MAGI2: variants seen among roughly 807,000 people sequenced by gnomAD.
The protein encoded by MAGI2 is membrane associated guanylate kinase, WW and PDZ domain containing 2.
Under a neutral mutation model 133.3 loss-of-function variants are expected in MAGI2, and 35 were observed. The observed-to-expected ratio is 0.26, with a 90% CI of 0.20 to 0.35. The LOEUF (loss-of-function observed/expected upper bound fraction) is 0.35, where lower values mean the gene tolerates loss of function less well. MAGI2 is among the 10% of genes least tolerant of loss of function. The pLI is 1.00. For missense variants in MAGI2, 1,636 were observed against 1,863.4 expected, an observed-to-expected ratio of 0.88 and a Z score of 2.25; for synonymous variants, 729 against 710.6, an observed-to-expected ratio of 1.03 and a Z score of -0.41.
intron 2 of MAGI2, among the ~76,000 whole-genome samples, chr7:78,928,122 T>C (rs1475746687): frequency 2.6e-5 from 4 of 151,976 alleles, no homozygotes; most frequent in Non-Finnish European, 4.4e-5. Context: ...ATTAATAATA[T>C]ATAGCATAGG....
intron 3 of MAGI2, among the ~76,000 whole-genome samples, chr7:78,592,997 C>T (rs1453328543): frequency 1.3e-5 from 2 of 151,778 alleles, no homozygotes; most frequent in Non-Finnish European, 2.9e-5. Context: ...CCACACCAAG[C>T]ATTTTTGTAT....
chr7:79,104,604 T>A (rs938235685), intron 1 of MAGI2, among the ~76,000 whole-genome samples: 3 of 151,792 alleles, frequency 2.0e-5, no homozygotes, highest in African/African-American at 7.3e-5. Flanking sequence ...GAGGTGGAGG[T>A]TGCAGTGAGC....
At chr7:79,399,582 A>T (rs1845325942) in intron 1 of MAGI2, among the ~76,000 whole-genome samples, 1 of 152,152 alleles carries the variant, frequency 6.6e-6, no homozygotes, top group Non-Finnish European at 1.5e-5. Flanking sequence ...CTGTAGATAC[A>T]AGTGCAGTGC....
chr7:78,141,062 G>A (rs973885670), intron 16 of MAGI2, among the ~76,000 whole-genome samples: 14 of 152,124 alleles, frequency 9.2e-5, no homozygotes, highest in East Asian at 1.9e-4. Flanking sequence ...TTGGTAAGTG[G>A]CAGCTCTCTT....
intron 11 of MAGI2, 85 bp downstream of exon 11, chr7:78,201,077 T>C: frequency 2.3e-6 from 2 of 858,508 alleles, no homozygotes; most frequent in South Asian, 3.4e-5. Flanking sequence ...GAAAGAGATT[T>C]TGAGGTCACC....
chr7:78,729,421 G>T (rs1288516899), intron 2 of MAGI2, among the ~76,000 whole-genome samples: 1 of 152,196 alleles, frequency 6.6e-6, no homozygotes, highest in Non-Finnish European at 1.5e-5. Flanking sequence ...AGTTGGCATA[G>T]TACTGAAAGA....
intron 1 of MAGI2, among the ~76,000 whole-genome samples, chr7:79,115,859 T>G (rs1231211754): frequency 7.3e-6 from 1 of 136,188 alleles, no homozygotes; most frequent in African/African-American, 2.9e-5. Flanking sequence ...TTAAAGTTTT[T>G]TTTTTTTTTT....
chr7:78,342,184 C>A (rs1790450960), intron 9 of MAGI2, among the ~76,000 whole-genome samples: 1 of 151,894 alleles, frequency 6.6e-6, no homozygotes, highest in Non-Finnish European at 1.5e-5. Flanking sequence ...GACATTTGTG[C>A]AGTCAACAAA....
At chr7:78,835,827 C>T (rs192148243) in intron 2 of MAGI2, among the ~76,000 whole-genome samples, 55 of 152,282 alleles carry the variant, frequency 3.6e-4, no homozygotes, top group Non-Finnish European at 6.6e-4. Flanking sequence ...AGAAGACAAA[C>T]GTTGGTCTGA....
At chr7:78,991,257 T>C (rs1472231591) in intron 2 of MAGI2, among the ~76,000 whole-genome samples, 2 of 151,038 alleles carry the variant, frequency 1.3e-5, no homozygotes, top group African/African-American at 4.9e-5. Context: ...CTTTCTTTTA[T>C]AAATTATTCA....
At chr7:78,521,727 A>G (rs1409469017) in intron 3 of MAGI2, 82 bp from the exon 4 acceptor site, 3 of 1,176,134 alleles carry the variant, frequency 2.6e-6, no homozygotes, top group Non-Finnish European at 3.8e-6. Flanking sequence ...AAATTATATT[A>G]ACACATTTTT....
At chr7:78,414,264 T>C (rs1798104557) in intron 6 of MAGI2, among the ~76,000 whole-genome samples, 2 of 151,896 alleles carry the variant, frequency 1.3e-5, no homozygotes, top group East Asian at 1.9e-4. Context: ...TTTAGTGGCA[T>C]GGGGAAAAGA....
At chr7:79,144,854 C>T (rs1227113392) in intron 1 of MAGI2, among the ~76,000 whole-genome samples, 3 of 152,166 alleles carry the variant, frequency 2.0e-5, no homozygotes, top group Admixed American at 2.0e-4. Flanking sequence ...ACATGCCTTC[C>T]CCAACCCCTC....
At chr7:78,728,108 C>T (rs1187130446) in intron 2 of MAGI2, among the ~76,000 whole-genome samples, 1 of 152,056 alleles carries the variant, frequency 6.6e-6, no homozygotes, top group Non-Finnish European at 1.5e-5. Context: ...TGGCCCAATC[C>T]ACTCAAACTT....
intron 2 of MAGI2, among the ~76,000 whole-genome samples, chr7:78,682,215 A>G (rs1815748555): frequency 6.6e-6 from 1 of 152,162 alleles, no homozygotes; most frequent in Non-Finnish European, 1.5e-5. Context: ...GTACATAAAC[A>G]TGAAATGCTT....
chr7:78,369,198 C>T lies in MAGI2; in HGVS notation c.1061G>A (p.Trp354Ter). ...ATAAATGGGATCATCGATTTTTTCC[C>T]AGCCATATGGAAGCTCTGAAAAATA... ...ECKENELPYG[W>*]EKIDDPIYGT... The change falls in exon 7 of 22, where the codon TGG becomes TAG. Residue 354 changes from tryptophan to a stop codon, truncating the protein, a stop_gained. Transcript: ENST00000354212. LOFTEE classifies it high-confidence loss of function. The T allele has an allele frequency of 6.2e-7, 1 of 1,602,690 alleles. No homozygotes were observed. The highest frequency in any genetic ancestry group is 8.5e-7 in the Non-Finnish European group (1 of 1,173,188).
At chr7:79,293,886 C>T (rs983732503) in intron 1 of MAGI2, among the ~76,000 whole-genome samples, 40 of 152,240 alleles carry the variant, frequency 2.6e-4, no homozygotes, top group African/African-American at 8.9e-4. Context: ...ACTTCATATA[C>T]AAAAGTTGTA....
At chr7:79,177,901 G>A (rs1007142132) in intron 1 of MAGI2, among the ~76,000 whole-genome samples, 4 of 152,026 alleles carry the variant, frequency 2.6e-5, no homozygotes, top group African/African-American at 9.7e-5. Context: ...CAGCGTGTAT[G>A]CGGTTTTACT....
intron 1 of MAGI2, among the ~76,000 whole-genome samples, chr7:79,091,797 T>C (rs1817078180): frequency 6.6e-6 from 1 of 151,990 alleles, no homozygotes; most frequent in Non-Finnish European, 1.5e-5. Context: ...TAAAACTTTA[T>C]TTATGAACAC....
Sources: allele counts gnomAD v4.1 joint callset (sites outside exome capture counted in the v4.1 genomes callset), GRCh38; gene constraint gnomAD v4.1.1; transcripts MANE v1.5; gene names NCBI Gene and HGNC (gene_info 2026-07-23, HGNC 2026-07-21).